Variants in ANO4 observed in about 807,000 individuals in gnomAD.
The protein encoded by ANO4 is anoctamin 4.
Under a neutral mutation model 141.9 loss-of-function variants are expected in ANO4, and 69 were observed. The ratio of observed to expected loss-of-function variants is 0.49; its 90% confidence interval spans 0.40 to 0.59. The LOEUF (loss-of-function observed/expected upper bound fraction) is 0.59, where lower values mean the gene tolerates loss of function less well. ANO4 is among the 20% of genes least tolerant of loss of function. The pLI, the probability that ANO4 is intolerant of heterozygous loss-of-function variation, is 0.00. For synonymous variants in ANO4, 350 were observed against 394.3 expected, an observed-to-expected ratio of 0.89 and a Z score of 1.33; for missense variants, 894 against 1,162.2, an observed-to-expected ratio of 0.77 and a Z score of 3.36.
intron 22 of ANO4, among the ~76,000 whole-genome samples, chr12:101,105,089 G>A (rs1345295999): frequency 6.6e-6 from 1 of 152,130 alleles, no homozygotes; most frequent in Admixed American, 6.6e-5. Flanking sequence ...ACCTTTCAAA[G>A]GGCAGAAGTG....
chr12:100,969,147 A>G (rs2043812240), intron 5 of ANO4, among the ~76,000 whole-genome samples: 1 of 152,200 alleles, frequency 6.6e-6, no homozygotes, highest in Non-Finnish European at 1.5e-5. Context: ...CACCTAGGCC[A>G]GGTCTAACGG....
chr12:100,734,370 G>T (rs1481568397), intron 2 of ANO4, among the ~76,000 whole-genome samples: 1 of 152,194 alleles, frequency 6.6e-6, no homozygotes, highest in Admixed American at 6.5e-5. Flanking sequence ...GTCGAAAGTA[G>T]AAGAGTGAGC....
chr12:100,784,163 C>T (rs897236085), intron 3 of ANO4, among the ~76,000 whole-genome samples: 1 of 152,164 alleles, frequency 6.6e-6, no homozygotes, highest in East Asian at 1.9e-4. Flanking sequence ...CATTAATGAA[C>T]GAAGGAATCC....
chr12:100,752,033 A>G (rs2032407853), intron 3 of ANO4, among the ~76,000 whole-genome samples: 1 of 152,178 alleles, frequency 6.6e-6, no homozygotes, highest in African/African-American at 2.4e-5. Context: ...TTGAGCCTCA[A>G]TTTCTTCATC....
chr12:100,732,390 GTGAT>G (rs56792686), intron 1 of ANO4, among the ~76,000 whole-genome samples: 38,002 of 151,978 alleles, frequency 0.25, 5,287 homozygotes, highest in Middle Eastern at 0.33. Context: ...GTCTGTAAAA[GTGAT>G]TGGCCCATTT....
chr12:101,096,230 G>A (rs550478950), intron 18 of ANO4, among the ~76,000 whole-genome samples: 2 of 152,312 alleles, frequency 1.3e-5, no homozygotes, highest in Admixed American at 1.3e-4. Context: ...ATGAGGCCTC[G>A]ACAGCCTGGC....
At chr12:101,096,950 T>C (rs777725879) in intron 19 of ANO4, among the ~76,000 whole-genome samples, 23 of 152,154 alleles carry the variant, frequency 1.5e-4, no homozygotes, top group Admixed American at 6.5e-5. Flanking sequence ...GGCCCCTGGC[T>C]TTCCCACCTA....
At chr12:101,069,577 A>G (rs534715186) in intron 14 of ANO4, among the ~76,000 whole-genome samples, 3 of 152,338 alleles carry the variant, frequency 2.0e-5, no homozygotes, top group Admixed American at 2.0e-4. Flanking sequence ...CATGTCCTAC[A>G]AACCCATGAA....
At chr12:100,916,962 G>A (rs530815202) in intron 2 of ANO4, among the ~76,000 whole-genome samples, 1 of 149,522 alleles carries the variant, frequency 6.7e-6, no homozygotes, top group African/African-American at 2.5e-5. Context: ...CAGTCTGGGT[G>A]ACAGAGTGTG....
intron 1 of ANO4, among the ~76,000 whole-genome samples, chr12:100,873,623 A>G (rs1282914948): frequency 6.6e-6 from 1 of 152,194 alleles, no homozygotes; most frequent in African/African-American, 2.4e-5. Context: ...CTAGCAGCCC[A>G]TATTTATATT....
chr12:101,114,623 G>C (rs946241296), intron 24 of ANO4, among the ~76,000 whole-genome samples: 1 of 152,154 alleles, frequency 6.6e-6, no homozygotes, highest in Non-Finnish European at 1.5e-5. Flanking sequence ...AGATAAGAGT[G>C]CAGGAGGGGT....
intron 2 of ANO4, among the ~76,000 whole-genome samples, chr12:100,738,104 T>G (rs1262270714): frequency 1.3e-5 from 2 of 152,186 alleles, no homozygotes; most frequent in Admixed American, 1.3e-4. Flanking sequence ...GTTAACATTA[T>G]TTTTTCTCAA....
intron 3 of ANO4, among the ~76,000 whole-genome samples, chr12:100,923,794 A>G (rs569514999): frequency 5.3e-5 from 8 of 152,222 alleles, no homozygotes; most frequent in African/African-American, 1.9e-4. Context: ...CCTCTCCAGC[A>G]TCTGTTGTTT....
At chr12:100,883,069 G>A (rs2039649251) in intron 1 of ANO4, among the ~76,000 whole-genome samples, 2 of 152,148 alleles carry the variant, frequency 1.3e-5, no homozygotes, top group South Asian at 4.1e-4. Flanking sequence ...TTATGGAAAA[G>A]CCAAGCTGCG....
intron 14 of ANO4, chr12:101,068,611 C>CT: frequency 2.8e-6 from 4 of 1,418,032 alleles, no homozygotes; most frequent in Non-Finnish European, 4.0e-6. Flanking sequence ...TGATGCAGTC[C>CT]TTTTTACTGG....
At chr12:100,817,131 G>T (rs920183305) in intron 1 of ANO4, among the ~76,000 whole-genome samples, 1 of 151,830 alleles carries the variant, frequency 6.6e-6, no homozygotes, top group Non-Finnish European at 1.5e-5. Flanking sequence ...ATATGATTAG[G>T]CATTTATATA....
chr12:100,819,238 C>T (rs2035904089), intron 1 of ANO4, among the ~76,000 whole-genome samples: 1 of 151,630 alleles, frequency 6.6e-6, no homozygotes, highest in African/African-American at 2.4e-5. Context: ...TCTAATTCAG[C>T]ATTCCCAAAT....
At chr12:101,079,126 T>A in intron 14 of ANO4, 67 bp from the exon 15 acceptor site, 1 of 1,348,704 alleles carries the variant, frequency 7.4e-7, no homozygotes. Context: ...CATTATTCAG[T>A]GACACAGTTA....
chr12:100,918,040 G>A (rs1477738753), intron 2 of ANO4, among the ~76,000 whole-genome samples: 2 of 152,154 alleles, frequency 1.3e-5, no homozygotes, highest in African/African-American at 4.8e-5. Flanking sequence ...AGTGTTTTGT[G>A]CTAAGGGCAG....
Sources: gnomAD v4.1 joint callset for allele counts (sites outside exome capture counted in the v4.1 genomes callset) on GRCh38, gnomAD v4.1.1 for gene constraint, MANE v1.5 for transcripts, NCBI Gene and HGNC (gene_info 2026-07-23, HGNC 2026-07-21) for gene names.